PCDHGB1: variants seen among roughly 807,000 people sequenced by gnomAD.
PCDHGB1 encodes protocadherin gamma subfamily B, 1, also known as protocadherin gamma-B1.
In PCDHGB1, 34 loss-of-function variants were observed where a neutral mutation model predicts 56.6. The observed-to-expected ratio is 0.60, with a 90% confidence interval of 0.46 to 0.80. The LOEUF is 0.80. PCDHGB1 is among the 30% of genes least tolerant of loss of function. The pLI, the probability that PCDHGB1 is intolerant of heterozygous loss-of-function variation, is 0.00. For missense variants in PCDHGB1, 1,278 were observed against 1,204.6 expected (o/e 1.06, Z -0.90); for synonymous variants, 561 against 505.9 (o/e 1.11, Z -1.46).
At chr5:141,411,951 G>A (rs1589812278) in intron 1 of PCDHGB1, 1 of 152,252 alleles carries the variant, frequency 6.6e-6, no homozygotes, top group African/African-American at 2.4e-5. Context: ...GATTTTTGAA[G>A]AAAAAAGATA....
At position 141,356,736 on chromosome 5, in the gene PCDHGB1, G is replaced by A. The variant is rs748701559; in HGVS notation, c.2409+4067G>A. The A allele has an allele frequency of 4.3e-6, 7 of 1,613,970 alleles. No individual in the cohort carries two copies. In the South Asian group the frequency reaches 5.5e-5, roughly 13 times the overall value. ...ATGTCTCCATCAACTCCAATACAGG[G>A]ATCCTATATGCTCTTTGCTCCTTCG... On this transcript the variant is annotated intron_variant, in intron 1 of 3. Transcript: ENST00000523390.
Position 141,410,849 on chromosome 5 carries a change from C to CTTTTTTTTT in PCDHGB1, c.2409+58194_2409+58202dup, listed in dbSNP as rs759346998. 1.7e-3 allele frequency: 239 copies of CTTTTTTTTT among 138,144 alleles called. 16 individuals are homozygous for CTTTTTTTTT. Among genetic ancestry groups the CTTTTTTTTT allele is most frequent in the African/African-American group, 4.5e-3 (75 of 16,616 alleles). 8.6% of individuals were successfully genotyped at this position (138,144 alleles called of 1,614,324 possible). On this transcript the variant is annotated intron_variant, in intron 1 of 3. Coordinates refer to ENST00000523390, the MANE Select transcript of PCDHGB1 (RefSeq NM_018922.3). ...CAGACTGAAGATATTTTGTCTTTGT[C>CTTTTTTTTT]TTTTTTTTTTTTTTTTTTTTTTGAG...
At chr5:141,389,089 T>G in intron 1 of PCDHGB1, 1 of 1,613,978 alleles carries the variant, frequency 6.2e-7, no homozygotes, top group East Asian at 2.2e-5. Flanking sequence ...ACGTATAAAT[T>G]AGTGACAGAT....
chr5:141,424,408 T>G (rs942542788), intron 1 of PCDHGB1: 1 of 152,224 alleles, frequency 6.6e-6, no homozygotes, highest in Non-Finnish European at 1.5e-5. Flanking sequence ...TATGGTGAAG[T>G]TACATTGACT....
chr5:141,371,950 C>A (rs749822569), intron 1 of PCDHGB1: 2 of 1,613,286 alleles, frequency 1.2e-6, no homozygotes, highest in South Asian at 2.2e-5. Flanking sequence ...GCGCAGCGAG[C>A]CTTCGACCAC....
chr5:141,371,524 G>T, intron 1 of PCDHGB1: 1 of 1,613,756 alleles, frequency 6.2e-7, no homozygotes, highest in Non-Finnish European at 8.5e-7. Flanking sequence ...CTAGATTCTG[G>T]ATTTAATGGA....
At chr5:141,398,936 AC>A in intron 1 of PCDHGB1, 1 of 1,613,962 alleles carries the variant, frequency 6.2e-7, no homozygotes, top group East Asian at 2.2e-5. Context: ...ACTGACCAAG[AC>A]GAGGGCATCA....
At chr5:141,506,609 T>C (rs1375963880) in intron 3 of PCDHGB1, among the ~76,000 whole-genome samples, 1 of 152,184 alleles carries the variant, frequency 6.6e-6, no homozygotes, top group African/African-American at 2.4e-5. Context: ...GATCTCATTG[T>C]GGTGTTACCA....
chr5:141,382,131 C>G (rs2150200415), intron 1 of PCDHGB1, among the ~76,000 whole-genome samples: 1 of 152,134 alleles, frequency 6.6e-6, no homozygotes, highest in African/African-American at 2.4e-5. Flanking sequence ...CCTGGCCCCC[C>G]CTCTCATTTT....
At chr5:141,371,758 C>T (rs2149991096) in intron 1 of PCDHGB1, 2 of 1,614,030 alleles carry the variant, frequency 1.2e-6, no homozygotes, top group Non-Finnish European at 8.5e-7. Flanking sequence ...TTCCACCAGG[C>T]CTCCTACACC....
rs2099883943 is a variant in PCDHGB1, at chr5:141,511,766, G to A, written c.*593G>A. ...TGGAGGACATGATCACCATCCCCAT[G>A]GTACTGATGCTTGCTGGATTTAGGG... On this transcript the variant is annotated 3_prime_UTR_variant, in exon 4 of 4. Coordinates refer to ENST00000523390, the MANE Select transcript of PCDHGB1 (RefSeq NM_018922.3). 2 of 161,712 alleles carry A rather than the reference G, an allele frequency of 1.2e-5. No homozygotes were observed. Among genetic ancestry groups the A allele is most frequent in the Non-Finnish European group, 2.8e-5 (2 of 72,704 alleles). The allele number at this position is 161,712 out of a possible 1,614,324, so 10.0% of individuals were successfully genotyped here.
At chr5:141,371,243 T>C in intron 1 of PCDHGB1, 1 of 1,614,002 alleles carries the variant, frequency 6.2e-7, no homozygotes. Flanking sequence ...CCTTCATCAA[T>C]ATTGGCAAGG....
At position 141,351,424 on chromosome 5, in the gene PCDHGB1, CAAA is replaced by C. The variant is rs748407300; in HGVS notation, c.1165_1167del (p.Lys389del). The C allele has an allele frequency of 1.8e-4, 295 of 1,611,554 alleles. No individual in the cohort carries two copies. Among genetic ancestry groups the C allele is most frequent in the Non-Finnish European group, 2.4e-4 (286 of 1,178,670 alleles). On this transcript the variant is annotated inframe_deletion, in exon 1 of 4. Transcript: ENST00000523390. ...GCTATACTCAGGAAGAAGTTCCTTT[CAAA>C]TTAGAATCCACCTCGAAGAATTATT...
In PCDHGB1 at chr5:141,431,797, A is replaced by T. The variant is rs754056771; in HGVS notation, c.2410-63010A>T. 6.2e-7 allele frequency: 1 copy of T among 1,614,256 alleles called. No homozygotes were observed. The highest frequency in any genetic ancestry group is 2.2e-5 in the East Asian group (1 of 44,882). ...TGGACGTGAACGACAATGCCCCAGAAGTGGTCCTCACCTCTCTCGCCAGCT... is the reference window on the plus strand; with the variant it reads ...TGGACGTGAACGACAATGCCCCAGATGTGGTCCTCACCTCTCTCGCCAGCT... On this transcript the variant is annotated intron_variant, in intron 1 of 3. Coordinates refer to ENST00000523390, the MANE Select transcript of PCDHGB1 (RefSeq NM_018922.3). This position sits in a 1 kb window ranked among gnomAD's most constrained non-coding sequence, Gnocchi z 4.8.
In PCDHGB1 at chr5:141,351,766, C is replaced by G; in HGVS notation, c.1506C>G (p.Ser502=). Reference sequence around the variant, plus strand: ...CGCGGGAGCTGTTGTCCTACGTGTCCGTGAGCCCGCAGAGCGGGGTGGTGT... The same window carrying G: ...CGCGGGAGCTGTTGTCCTACGTGTCGGTGAGCCCGCAGAGCGGGGTGGTGT... ...LEPRELLSYV[S]VSPQSGVVFA... Residue 502 remains serine (S), a synonymous_variant, in exon 1 of 4, where the codon TCC becomes TCG. Coordinates refer to ENST00000523390, the MANE Select transcript of PCDHGB1 (RefSeq NM_018922.3). 6.2e-7 allele frequency: 1 copy of G among 1,613,526 alleles called. No individual in the cohort carries two copies.
Position 141,505,441 on chromosome 5 carries a change from C to A in PCDHGB1, c.2517C>A (p.Asp839Glu), listed in dbSNP as rs2099846055. 6.2e-7 allele frequency: 1 copy of A among 1,614,084 alleles called. No individual in the cohort carries two copies. Among genetic ancestry groups the A allele is most frequent in the Non-Finnish European group, 8.5e-7 (1 of 1,180,024 alleles). Reference sequence around the variant, plus strand: ...GCACCTGGCCCAACAACCAGTTTGACACAGAGATGCTGCAAGCCATGATCT... The same window carrying A: ...GCACCTGGCCCAACAACCAGTTTGAAACAGAGATGCTGCAAGCCATGATCT... ...DTGTWPNNQFDTEMLQAMILA... is the reference protein window; with the variant it reads ...DTGTWPNNQFETEMLQAMILA... Residue 839 changes from aspartate to glutamate, a missense_variant, in exon 3 of 4, where the codon GAC becomes GAA. Transcript: ENST00000523390.
chr5:141,421,457 C>T (rs377073702), intron 1 of PCDHGB1: 9 of 1,614,014 alleles, frequency 5.6e-6, no homozygotes, highest in African/African-American at 2.7e-5. Flanking sequence ...CAGCTTTTCG[C>T]TGTGAATCCG....
intron 1 of PCDHGB1, among the ~76,000 whole-genome samples, chr5:141,453,692 C>G (rs1182118927): frequency 6.6e-6 from 1 of 152,146 alleles, no homozygotes; most frequent in African/African-American, 2.4e-5. Flanking sequence ...GTAGGTAGTC[C>G]TGGCTTTGAA....
chr5:141,351,916 T>G lies in PCDHGB1; in HGVS notation c.1656T>G (p.Asn552Lys), dbSNP rs372459324. The change falls in exon 1 of 4, where the codon AAT becomes AAG. Residue 552 changes from asparagine (N) to lysine (K), a missense_variant. Physicochemically the swap from Asn to Lys is moderately conservative, Grantham distance 94. Transcript: ENST00000523390. ...VSLRVLVGDL[N>K]DNAPRVLYPA... ...TGCGCGTGTTGGTGGGCGACCTCAATGACAATGCGCCACGGGTGCTGTACC... is the reference window on the plus strand; with the variant it reads ...TGCGCGTGTTGGTGGGCGACCTCAAGGACAATGCGCCACGGGTGCTGTACC... The G allele has an allele frequency of 1.9e-6, 3 of 1,613,380 alleles. No homozygotes were observed. Among genetic ancestry groups the G allele is most frequent in the Non-Finnish European group, 2.5e-6 (3 of 1,179,744 alleles).
Sources: allele counts gnomAD v4.1 joint callset (sites outside exome capture counted in the v4.1 genomes callset), GRCh38; gene constraint gnomAD v4.1.1; non-coding constraint Gnocchi (gnomAD v3.1); transcripts MANE v1.5; gene names NCBI Gene and HGNC (gene_info 2026-07-23, HGNC 2026-07-21).